Variants in MNAT1 observed in about 807,000 individuals in gnomAD.
MNAT1 encodes CDK-activating kinase assembly factor MAT1.
Under a neutral mutation model 42.0 loss-of-function variants are expected in MNAT1, and 43 were observed. That is an observed-to-expected ratio of 1.02 (90% confidence interval 0.80 to 1.32). MNAT1 has a LOEUF of 1.32. MNAT1 is among the 40% of genes most tolerant of loss of function. The pLI, the probability that MNAT1 is intolerant of heterozygous loss-of-function variation, is 0.00. For synonymous variants in MNAT1, 118 were observed against 120.0 expected (o/e 0.98, Z 0.11); for missense variants, 306 against 350.4 (o/e 0.87, Z 1.01).
chr14:60,966,300 A>G (rs1394215092), intron 7 of MNAT1, among the ~76,000 whole-genome samples: 2 of 151,802 alleles, frequency 1.3e-5, no homozygotes, highest in African/African-American at 2.4e-5. Context: ...TTCTATTTTT[A>G]GTAGAGACGG....
At chr14:60,770,234 T>C (rs2031000289) in intron 1 of MNAT1, among the ~76,000 whole-genome samples, 1 of 152,176 alleles carries the variant, frequency 6.6e-6, no homozygotes, top group Non-Finnish European at 1.5e-5. Flanking sequence ...ATTCTTGAGG[T>C]TCATCCATGT....
chr14:60,770,056 A>G (rs4151174), intron 1 of MNAT1, among the ~76,000 whole-genome samples: 1,991 of 152,236 alleles, frequency 0.013, 43 homozygotes, highest in African/African-American at 0.046. Context: ...TTCATCTTGT[A>G]AAACTGAAAT....
At chr14:60,786,054 A>G (rs2031640266) in intron 1 of MNAT1, among the ~76,000 whole-genome samples, 1 of 152,090 alleles carries the variant, frequency 6.6e-6, no homozygotes. Flanking sequence ...ACCCAGTGTT[A>G]AACTCTAAGA....
intron 7 of MNAT1, among the ~76,000 whole-genome samples, chr14:60,967,088 A>G (rs2036695891): frequency 6.6e-6 from 1 of 152,188 alleles, no homozygotes; most frequent in African/African-American, 2.4e-5. Flanking sequence ...GATTTGTGGC[A>G]ATGTGAATAA....
chr14:60,755,117 A>T (rs1456564381), intron 1 of MNAT1, among the ~76,000 whole-genome samples: 3 of 151,638 alleles, frequency 2.0e-5, no homozygotes, highest in Admixed American at 2.0e-4. Context: ...TTCTGCCTCA[A>T]CCTCCCAAGT....
chr14:60,914,053 G>T (rs907315819), intron 7 of MNAT1, among the ~76,000 whole-genome samples: 2 of 152,178 alleles, frequency 1.3e-5, no homozygotes, highest in African/African-American at 2.4e-5. Context: ...CCTCGCTGCC[G>T]CCTTGCAGTT....
intron 1 of MNAT1, among the ~76,000 whole-genome samples, chr14:60,752,905 C>G (rs1325126790): frequency 6.6e-6 from 1 of 152,160 alleles, no homozygotes; most frequent in African/African-American, 2.4e-5. Flanking sequence ...GCTGGGATTA[C>G]AGGTACGCAC....
intron 3 of MNAT1, among the ~76,000 whole-genome samples, chr14:60,806,886 T>G (rs554011412): frequency 6.6e-6 from 1 of 152,328 alleles, no homozygotes; most frequent in South Asian, 2.1e-4. Flanking sequence ...CAGAGGTAAC[T>G]TTTTGAGAGT....
intron 7 of MNAT1, among the ~76,000 whole-genome samples, chr14:60,960,045 A>G (rs982112817): frequency 2.7e-5 from 4 of 150,182 alleles, no homozygotes; most frequent in African/African-American, 9.8e-5. Flanking sequence ...AAGTTTATCC[A>G]TTCTCTTGTC....
At chr14:60,890,201 C>T (rs989827488) in intron 7 of MNAT1, among the ~76,000 whole-genome samples, 7 of 152,160 alleles carry the variant, frequency 4.6e-5, no homozygotes, top group Admixed American at 3.3e-4. Context: ...GGAACCAAGC[C>T]AAATGTCCAA....
At chr14:60,939,892 C>T (rs1029076939) in intron 7 of MNAT1, among the ~76,000 whole-genome samples, 3 of 152,100 alleles carry the variant, frequency 2.0e-5, no homozygotes, top group African/African-American at 4.8e-5. Context: ...TCTCTAAGGA[C>T]GTGCTTTATG....
intron 7 of MNAT1, among the ~76,000 whole-genome samples, chr14:60,895,662 T>C (rs1407763740): frequency 2.6e-5 from 4 of 152,204 alleles, no homozygotes; most frequent in Non-Finnish European, 4.4e-5. Flanking sequence ...CCATGTGTGG[T>C]AGCTCATGCC....
chr14:60,856,237 T>A (rs1229047272), intron 6 of MNAT1, among the ~76,000 whole-genome samples: 1 of 152,258 alleles, frequency 6.6e-6, no homozygotes, highest in Non-Finnish European at 1.5e-5. Context: ...GCTGCTCTAG[T>A]GAACACATGA....
Position 60,838,134 on chromosome 14 carries a change from A to AT in MNAT1, c.687+19297dup, listed in dbSNP as rs938759064. Reference sequence around the variant, plus strand: ...CAGTTTCCAGTTTTTGCTTTCATTGATTTTTTTTTTCTTTTTTTTAGGCAG... The same window carrying AT: ...CAGTTTCCAGTTTTTGCTTTCATTGATTTTTTTTTTTCTTTTTTTTAGGCAG... On this transcript the variant is annotated intron_variant, in intron 6 of 7. Coordinates refer to ENST00000261245, the MANE Select transcript of MNAT1 (RefSeq NM_002431.4). 3.0e-3 allele frequency among the ~76,000 whole-genome samples: 445 copies of AT among 146,226 alleles called. 2 individuals are homozygous for AT. The highest frequency in any genetic ancestry group is 9.2e-3 in the African/African-American group (366 of 39,728).
intron 6 of MNAT1, among the ~76,000 whole-genome samples, chr14:60,836,063 G>A (rs1347955589): frequency 6.6e-6 from 1 of 152,004 alleles, no homozygotes. Flanking sequence ...CGAAGTTCTT[G>A]TGCTGTGTTT....
At chr14:60,739,266 C>T (rs1236359414) in intron 1 of MNAT1, among the ~76,000 whole-genome samples, 1 of 152,096 alleles carries the variant, frequency 6.6e-6, no homozygotes, top group Non-Finnish European at 1.5e-5. Flanking sequence ...AGTGATATAC[C>T]ATCACCTCTG....
At chr14:60,896,716 C>T (rs1393436456) in intron 7 of MNAT1, among the ~76,000 whole-genome samples, 3 of 150,972 alleles carry the variant, frequency 2.0e-5, no homozygotes, top group Admixed American at 6.6e-5. Flanking sequence ...CGAACTCTGA[C>T]CCCACGTGAT....
intron 3 of MNAT1, among the ~76,000 whole-genome samples, chr14:60,805,334 C>T (rs113328001): frequency 1.3e-5 from 2 of 152,094 alleles, no homozygotes; most frequent in African/African-American, 4.8e-5. Flanking sequence ...GTGCACAGTG[C>T]ACAGCCTCCC....
At chr14:60,911,456 C>A (rs890394863) in intron 7 of MNAT1, among the ~76,000 whole-genome samples, 5 of 152,094 alleles carry the variant, frequency 3.3e-5, no homozygotes, top group African/African-American at 4.8e-5. Context: ...CTCTTGTGGG[C>A]ACTTAGTGCT....
Sources: gnomAD v4.1 joint callset for allele counts (sites outside exome capture counted in the v4.1 genomes callset) on GRCh38, gnomAD v4.1.1 for gene constraint, MANE v1.5 for transcripts, NCBI Gene and HGNC (gene_info 2026-07-23, HGNC 2026-07-21) for gene names.